Variants in IL1RAPL1 observed in about 807,000 individuals in gnomAD.
IL1RAPL1 encodes the protein interleukin 1 receptor accessory protein like 1, also known as interleukin-1 receptor accessory protein-like 1.
In IL1RAPL1, 3 loss-of-function variants were observed where a neutral mutation model predicts 48.4. The ratio of observed to expected loss-of-function variants is 0.06; its 90% CI spans 0.03 to 0.16. The LOEUF (loss-of-function observed/expected upper bound fraction) is 0.16. Among genes scored for constraint, IL1RAPL1 ranks in the 10% least tolerant of loss-of-function variants. IL1RAPL1 has a pLI of 1.00. For missense variants in IL1RAPL1, 349 were observed against 530.6 expected (o/e 0.66, Z 3.36); for synonymous variants, 185 against 187.7 (o/e 0.99, Z 0.12).
At position 28,949,717 on chromosome X, in the gene IL1RAPL1, T is replaced by G. The variant is rs946173201; in HGVS notation, c.82+160292T>G. ...ATGATGAGCATTTTTTCATGTGTTTTTTGGCTGCATAAATGTCTTCTTTTG... is the reference window on the plus strand; with the variant it reads ...ATGATGAGCATTTTTTCATGTGTTTGTTGGCTGCATAAATGTCTTCTTTTG... On this transcript the variant is annotated intron_variant, in intron 2 of 10. Coordinates refer to ENST00000378993, the MANE Select transcript of IL1RAPL1 (RefSeq NM_014271.4). Among the ~76,000 whole-genome samples the G allele has an allele frequency of 5.5e-5, 6 of 109,729 alleles. No individual in the cohort carries two copies. The Admixed American group carries it at 5.8e-4, about 11-fold the overall frequency.
intron 6 of IL1RAPL1, among the ~76,000 whole-genome samples, chrX:29,676,587 A>G (rs758183906): frequency 8.9e-6 from 1 of 112,047 alleles, no homozygotes; most frequent in Non-Finnish European, 1.9e-5. Context: ...GTACATAGTT[A>G]TAACAGAAGA....
At chrX:29,295,463 G>C (rs774547990) in intron 3 of IL1RAPL1, among the ~76,000 whole-genome samples, 36 of 111,991 alleles carry the variant, frequency 3.2e-4, no homozygotes, top group African/African-American at 1.0e-3. Flanking sequence ...AAAGGCAAAG[G>C]TGTAACTTTG....
chrX:29,391,059 A>C, intron 3 of IL1RAPL1, among the ~76,000 whole-genome samples: 1 of 110,307 alleles, frequency 9.1e-6, no homozygotes, highest in Non-Finnish European at 1.9e-5. Context: ...CTGTAATCTC[A>C]GCTATTCCGG....
intron 2 of IL1RAPL1, among the ~76,000 whole-genome samples, chrX:29,258,322 G>A (rs1931791214): frequency 9.0e-6 from 1 of 111,614 alleles, no homozygotes; most frequent in African/African-American, 3.3e-5. Flanking sequence ...ATTAGGTAAA[G>A]AGGACAACTT....
intron 5 of IL1RAPL1, among the ~76,000 whole-genome samples, chrX:29,521,791 A>G (rs756895590): frequency 1.8e-5 from 2 of 111,929 alleles, no homozygotes; most frequent in Non-Finnish European, 3.8e-5. Context: ...GGCTCCCTAT[A>G]ATACTTTAAA....
chrX:29,334,585 C>T (rs1602178599), intron 3 of IL1RAPL1, among the ~76,000 whole-genome samples: 1 of 110,996 alleles, frequency 9.0e-6, no homozygotes, highest in African/African-American at 3.3e-5. Context: ...CAGAGGGTTT[C>T]CTCACTTCTC....
At chrX:29,694,221 A>T (rs1251926237) in intron 6 of IL1RAPL1, among the ~76,000 whole-genome samples, 1 of 111,722 alleles carries the variant, frequency 9.0e-6, no homozygotes, top group Non-Finnish European at 1.9e-5. Context: ...GCTTTTTCTC[A>T]ATTATCTTAT....
At chrX:29,410,018 C>T (rs2147697052) in intron 5 of IL1RAPL1, among the ~76,000 whole-genome samples, 1 of 110,147 alleles carries the variant, frequency 9.1e-6, no homozygotes, top group East Asian at 2.9e-4. Context: ...GACGGGTTTT[C>T]TCCATGTTGA....
chrX:28,723,539 A>G (rs930465496), intron 1 of IL1RAPL1, among the ~76,000 whole-genome samples: 6 of 111,612 alleles, frequency 5.4e-5, no homozygotes, highest in Non-Finnish European at 1.1e-4. Context: ...CTTTTCAAAA[A>G]AGCAGCTTCT....
Position 29,153,149 on chromosome X carries a change from AGCC to A in IL1RAPL1, c.83-129788_83-129786del, listed in dbSNP as rs1393083902. 2.7e-5 allele frequency among the ~76,000 whole-genome samples: 3 copies of A among 111,614 alleles called. No individual in the cohort carries two copies. In the Admixed American group the frequency reaches 2.9e-4, roughly 11 times the overall value. On this transcript the variant is annotated intron_variant, in intron 2 of 10. Transcript: ENST00000378993. ...CTCTTCCATCGTCAAAGCTAGCAGT[AGCC>A]AGTTGAATCTCACAGAGCATCCCTT...
intron 2 of IL1RAPL1, among the ~76,000 whole-genome samples, chrX:29,237,167 C>T (rs1474311388): frequency 9.0e-6 from 1 of 111,580 alleles, no homozygotes; most frequent in Non-Finnish European, 1.9e-5. Context: ...TGTCAGTTTG[C>T]AGAAACTGTC....
chrX:29,313,095 C>G (rs1053827409), intron 3 of IL1RAPL1, among the ~76,000 whole-genome samples: 1 of 111,757 alleles, frequency 8.9e-6, no homozygotes, highest in Non-Finnish European at 1.9e-5. Flanking sequence ...TAATTATAGT[C>G]AAGAGATTAG....
intron 5 of IL1RAPL1, among the ~76,000 whole-genome samples, chrX:29,594,582 A>G (rs1923482273): frequency 8.9e-6 from 1 of 111,735 alleles, no homozygotes. Flanking sequence ...AAATTTAACT[A>G]CACATAATTT....
At chrX:29,247,133 G>A (rs1048022493) in intron 2 of IL1RAPL1, among the ~76,000 whole-genome samples, 1 of 111,665 alleles carries the variant, frequency 9.0e-6, no homozygotes, top group African/African-American at 3.3e-5. Flanking sequence ...AAGTTGGTCG[G>A]CTATGCCTAG....
intron 8 of IL1RAPL1, 71 bp downstream of exon 8, chrX:29,920,165 G>C: frequency 8.8e-7 from 1 of 1,142,050 alleles, no homozygotes; most frequent in Non-Finnish European, 1.2e-6. Flanking sequence ...TGGGAACCAA[G>C]AAACAAATTT....
chrX:29,315,743 GT>G (rs1416819130), intron 3 of IL1RAPL1, among the ~76,000 whole-genome samples: 2 of 111,682 alleles, frequency 1.8e-5, no homozygotes, highest in African/African-American at 6.5e-5. Flanking sequence ...AGGACAGTGA[GT>G]TTTCAGTCAT....
chrX:29,244,298 C>A (rs1307094809), intron 2 of IL1RAPL1, among the ~76,000 whole-genome samples: 2 of 112,048 alleles, frequency 1.8e-5, no homozygotes, highest in African/African-American at 6.5e-5. Flanking sequence ...AATTAGAAAA[C>A]AGTTTTCCAC....
At chrX:28,727,063 C>CTG (rs1035238419) in intron 1 of IL1RAPL1, among the ~76,000 whole-genome samples, 7 of 111,823 alleles carry the variant, frequency 6.3e-5, no homozygotes, top group African/African-American at 2.3e-4. Flanking sequence ...TTTTCCAATT[C>CTG]TGTGAAGAAA....
intron 6 of IL1RAPL1, among the ~76,000 whole-genome samples, chrX:29,702,805 G>T (rs1343989755): frequency 8.9e-6 from 1 of 112,270 alleles, no homozygotes; most frequent in Non-Finnish European, 1.9e-5. Flanking sequence ...AGTTTGAAAT[G>T]CTTATGCTGT....
Sources: gnomAD v4.1 joint callset for allele counts (sites outside exome capture counted in the v4.1 genomes callset) on GRCh38, gnomAD v4.1.1 for gene constraint, MANE v1.5 for transcripts, NCBI Gene and HGNC (gene_info 2026-07-23, HGNC 2026-07-21) for gene names.